STAT2: variants seen among roughly 807,000 people sequenced by gnomAD.
The protein encoded by STAT2 is signal transducer and activator of transcription 2, also known as interferon alpha induced transcriptional activator.
In STAT2, 51 loss-of-function variants were observed where a neutral mutation model predicts 122.3. That is an observed-to-expected ratio of 0.42 (90% CI 0.33 to 0.53). STAT2 has a LOEUF of 0.53. Ranked by LOEUF, STAT2 falls within the 20% of genes least tolerant of loss-of-function variation. The pLI is 0.10. For synonymous variants in STAT2, 351 were observed against 394.9 expected (o/e 0.89, Z 1.32); for missense variants, 736 against 1,010.3 (o/e 0.73, Z 3.68).
chr12:56,343,133 C>T lies in STAT2; in HGVS notation c.*256G>A. The T allele has an allele frequency of 2.4e-6, 1 of 415,870 alleles. No homozygotes were observed. Among genetic ancestry groups the T allele is most frequent in the Non-Finnish European group, 4.2e-6 (1 of 239,252 alleles). The allele number at this position is 415,870 out of a possible 1,614,324, so 25.8% of individuals were successfully genotyped here. A position where few individuals can be genotyped will look rare whatever the true frequency, so the allele number is the denominator to read the frequency against. Reference sequence around the variant, plus strand: ...CTGGCCTGCCCCCAGGACCCCTATACCTCCCAGCACAGCAGGCAGCCTCCA... The same window carrying T: ...CTGGCCTGCCCCCAGGACCCCTATATCTCCCAGCACAGCAGGCAGCCTCCA... On this transcript the variant is annotated 3_prime_UTR_variant, in exon 24 of 24. Coordinates refer to ENST00000314128, the MANE Select transcript of STAT2 (RefSeq NM_005419.4).
chr12:56,353,511 T>C (rs2136075727), intron 8 of STAT2, among the ~76,000 whole-genome samples: 1 of 152,300 alleles, frequency 6.6e-6, no homozygotes, highest in Middle Eastern at 3.4e-3. Context: ...TTTTCAAGTA[T>C]GTTGGAGGAC....
intron 6 of STAT2, 78 bp from the exon 7 acceptor site, chr12:56,354,941 G>A (rs1879279508): frequency 6.9e-7 from 1 of 1,451,520 alleles, no homozygotes. Flanking sequence ...GAGTCAGGAA[G>A]GAGGAATTTT....
At chr12:56,345,491 G>GT (rs1298689629) in intron 22 of STAT2, among the ~76,000 whole-genome samples, 1 of 18,730 alleles carries the variant, frequency 5.3e-5, no homozygotes, top group Non-Finnish European at 8.0e-5. Context: ...CAGAGACCCT[G>GT]TCTCAAAAAA....
At position 56,346,114 on chromosome 12, in the gene STAT2, T is replaced by C. The variant is rs370358976; in HGVS notation, c.2102+32A>G. 1.2e-5 allele frequency: 20 copies of C among 1,613,892 alleles called. No homozygotes were observed. The Admixed American group carries it at 2.3e-4, about 19-fold the overall frequency. On this transcript the variant is annotated intron_variant, in intron 22 of 23. Transcript: ENST00000314128. ...TCACTGAAGCAGAGCCAAAAAGGAT[T>C]AGGGAGGATGAATGAAGAGTTCATA...
intron 8 of STAT2, among the ~76,000 whole-genome samples, chr12:56,352,985 CTTT>C (rs75253735): frequency 2.1e-5 from 3 of 141,966 alleles, no homozygotes; most frequent in African/African-American, 2.6e-5. Context: ...CATGCCTAAT[CTTT>C]TTTTTTTTTT....
In STAT2 at chr12:56,348,566, A is replaced by T; in HGVS notation, c.1687T>A (p.Leu563Met). ...FWTWLDKILELVHDHLKDLWN... is the reference protein window; with the variant it reads ...FWTWLDKILEMVHDHLKDLWN... ...AGATCCTTCAGGTGGTCATGTACCA[A>T]CTCCAGAATTTTGTCCAGCCATGTC... The change falls in exon 19 of 24, where the codon TTG becomes ATG. Residue 563 changes from leucine (L) to methionine (M), a missense_variant. Leu to Met is a conservative substitution (Grantham distance 15). Transcript: ENST00000314128. 1 of 1,614,034 alleles carries T rather than the reference A, an allele frequency of 6.2e-7. No individual in the cohort carries two copies. The highest frequency in any genetic ancestry group is 8.5e-7 in the Non-Finnish European group (1 of 1,180,006).
chr12:56,350,795 G>A (rs772537700), intron 11 of STAT2, 34 bp downstream of exon 11: 56 of 1,612,122 alleles, frequency 3.5e-5, no homozygotes, highest in East Asian at 1.6e-4. Context: ...CCAGCAGCCC[G>A]TGTCCTGGCC....
Position 56,351,080 on chromosome 12 carries a change from G to C in STAT2, c.1034+18C>G. 6.2e-7 allele frequency: 1 copy of C among 1,610,822 alleles called. No individual in the cohort carries two copies. The highest frequency in any genetic ancestry group is 8.5e-7 in the Non-Finnish European group (1 of 1,177,542). On this transcript the variant is annotated intron_variant, in intron 10 of 23. Transcript: ENST00000314128. ...AGGGTTGGAAAAAGGAAGTGGGAATGAGTTCTGGAATGCCAACCTTGTTCG... is the reference window on the plus strand; with the variant it reads ...AGGGTTGGAAAAAGGAAGTGGGAATCAGTTCTGGAATGCCAACCTTGTTCG...
chr12:56,351,581 A>G (rs1878492004), intron 8 of STAT2, 131 bp from the exon 9 acceptor site: 1 of 953,466 alleles, frequency 1.0e-6, no homozygotes, highest in South Asian at 1.7e-5. Context: ...AGAATCCAGG[A>G]AGCATATAAA....
At position 56,348,974 on chromosome 12, in the gene STAT2, C is replaced by T; in HGVS notation, c.1526G>A (p.Gly509Asp). 1.2e-6 allele frequency: 2 copies of T among 1,613,886 alleles called. No individual in the cohort carries two copies. The highest frequency in any genetic ancestry group is 1.7e-6 in the Non-Finnish European group (2 of 1,179,946). The change falls in exon 17 of 24, where the codon GGC (glycine) becomes GAC (aspartate). Residue 509 changes from glycine to aspartate, a missense_variant. Gly to Asp is a moderately conservative substitution (Grantham distance 94, BLOSUM62 -1). Coordinates refer to ENST00000314128, the MANE Select transcript of STAT2 (RefSeq NM_005419.4). The stretch of plus-strand genomic sequence containing the variant: ...CAGCTGGTCTGAGTTGAGGCCTCGG[C>T]CAACATAGGAGGAGAACTGCCAACT... Reference protein sequence around the residue: ...ALSWQFSSYVGRGLNSDQLSM... With the variant: ...ALSWQFSSYVDRGLNSDQLSM...
At position 56,351,359 on chromosome 12, in the gene STAT2, G is replaced by C. The variant is rs754287605; in HGVS notation, c.874C>G (p.Pro292Ala). Residue 292 changes from proline (P) to alanine (A), a missense_variant, in exon 9 of 24, where the codon CCT becomes GCT. Pro to Ala is a conservative substitution (Grantham distance 27). Transcript: ENST00000314128. ...LSCLVSYQDD[P>A]LTKGVDLRNA... ...CGTAGGTCCACCCCTTTGGTCAGAG[G>C]GTCATCCTGATAGCTAACCAGGCAA... is the stretch of plus-strand genomic sequence containing the variant. 6.2e-7 allele frequency: 1 copy of C among 1,614,136 alleles called. No homozygotes were observed. Among genetic ancestry groups the C allele is most frequent in the Non-Finnish European group, 8.5e-7 (1 of 1,180,034 alleles).
Position 56,349,467 on chromosome 12 carries a change from T to C in STAT2, c.1300A>G (p.Thr434Ala), listed in dbSNP as rs1261037436. 6.2e-7 allele frequency: 1 copy of C among 1,614,082 alleles called. No homozygotes were observed. Among genetic ancestry groups the C allele is most frequent in the African/African-American group, 1.3e-5 (1 of 74,920 alleles). ...AGACCCTGGTAGGTATATTTGACCG[T>C]GAAGCTGATGATGTGCAGTTCCTCT... ...VTEELHIISFTVKYTYQGLKQ... is the reference protein window; with the variant it reads ...VTEELHIISFAVKYTYQGLKQ... The change falls in exon 15 of 24, where the codon ACG (threonine) becomes GCG (alanine). Residue 434 changes from threonine (T) to alanine (A), a missense_variant. Coordinates refer to ENST00000314128, the MANE Select transcript of STAT2 (RefSeq NM_005419.4).
Position 56,356,279 on chromosome 12 carries a change from T to G in STAT2, c.138A>C (p.Glu46Asp). ...TGGAATCATCACTCCCAAGTGCAGC[T>G]TCCTGCCTGGGCACCAGGAATAAGA... ...AVWIEDQNWQ[E>D]AALGSDDSKA... The change falls in exon 3 of 24, where the codon GAA becomes GAC. Residue 46 changes from glutamate to aspartate, a missense_variant. By Grantham distance (45) the Glu-to-Asp change is conservative. Transcript: ENST00000314128. 1 of 1,611,380 alleles carries G rather than the reference T, an allele frequency of 6.2e-7. No individual in the cohort carries two copies. The highest frequency in any genetic ancestry group is 8.5e-7 in the Non-Finnish European group (1 of 1,180,000).
rs779466832 is a variant in STAT2 at position 56,349,473 on chromosome 12, T to C, written c.1294A>G (p.Ser432Gly). 10 of 1,614,086 alleles carry C rather than the reference T, an allele frequency of 6.2e-6. No homozygotes were observed. In the Admixed American group the frequency reaches 1.7e-4, roughly 27 times the overall value. Residue 432 changes from serine to glycine, a missense_variant, in exon 15 of 24, where the codon AGC (serine) becomes GGC (glycine). By Grantham distance (56) the Ser-to-Gly change is moderately conservative. Transcript: ENST00000314128. ...TGGTAGGTATATTTGACCGTGAAGC[T>C]GATGATGTGCAGTTCCTCTGTCACA... ...LGVTEELHII[S>G]FTVKYTYQGL...
At chr12:56,344,879 G>A (rs369199074) in intron 22 of STAT2, among the ~76,000 whole-genome samples, 24 of 152,168 alleles carry the variant, frequency 1.6e-4, no homozygotes, top group African/African-American at 3.4e-4. Flanking sequence ...GTGGTTGTGC[G>A]CGCTTGTAGT....
At chr12:56,348,414 C>G in intron 19 of STAT2, 115 bp downstream of exon 19, 4 of 1,023,250 alleles carry the variant, frequency 3.9e-6, no homozygotes, top group Non-Finnish European at 6.0e-6. Flanking sequence ...TGTGAGGAGA[C>G]GTGGCCTGCA....
intron 1 of STAT2, among the ~76,000 whole-genome samples, chr12:56,357,026 ATTTTTTTTT>A (rs34402362): frequency 2.3e-4 from 15 of 66,372 alleles, no homozygotes; most frequent in Admixed American, 5.8e-4. Flanking sequence ...CCTAATCTGT[ATTTTTTTTT>A]TTTTTTTTTT....
rs1876819926 is a variant in STAT2 at position 56,343,135 on chromosome 12, T to G, written c.*254A>C. On this transcript the variant is annotated 3_prime_UTR_variant, in exon 24 of 24. Coordinates refer to ENST00000314128, the MANE Select transcript of STAT2 (RefSeq NM_005419.4). ...GGCCTGCCCCCAGGACCCCTATACC[T>G]CCCAGCACAGCAGGCAGCCTCCAGG... 2.3e-6 allele frequency: 1 copy of G among 436,828 alleles called. No homozygotes were observed. Among genetic ancestry groups the G allele is most frequent in the South Asian group, 5.1e-5 (1 of 19,590 alleles). The allele number at this position is 436,828 out of a possible 1,614,324, so 27.1% of individuals were successfully genotyped here.
chr12:56,358,801 CAGG>C (rs906520850), intron 1 of STAT2, among the ~76,000 whole-genome samples: 5 of 152,214 alleles, frequency 3.3e-5, no homozygotes, highest in African/African-American at 1.2e-4. Flanking sequence ...GAGGCTGAGG[CAGG>C]AGAATGGCTT....
Sources: gnomAD v4.1 joint callset for allele counts (sites outside exome capture counted in the v4.1 genomes callset) on GRCh38, gnomAD v4.1.1 for gene constraint, MANE v1.5 for transcripts, NCBI Gene and HGNC (gene_info 2026-07-23, HGNC 2026-07-21) for gene names.